The following GK5 variants were observed in gnomAD, a reference collection of about 807,000 sequenced individuals.
The protein encoded by GK5 is glycerol kinase 5, also known as ATP:glycerol 3-phosphotransferase 5.
A neutral mutation model predicts 77.3 loss-of-function variants in GK5; 39 were observed. The ratio of observed to expected loss-of-function variants is 0.50; its 90% confidence interval spans 0.39 to 0.66. GK5 has a LOEUF of 0.66. Among genes scored for constraint, GK5 ranks in the 30% least tolerant of loss-of-function variants. The probability of loss-of-function intolerance (pLI) is 0.00; values close to 1 mark genes in which losing one functional copy is unlikely to be tolerated. For synonymous variants in GK5, 211 were observed against 208.0 expected, an observed-to-expected ratio of 1.01 and a Z score of -0.13; for missense variants, 487 against 633.8, an observed-to-expected ratio of 0.77 and a Z score of 2.49.
chr3:142,187,810 A>G, intron 5 of GK5, 31 bp from the exon 6 acceptor site: 1 of 1,533,132 alleles, frequency 6.5e-7, no homozygotes, highest in Non-Finnish European at 9.0e-7. Flanking sequence ...AAATCGATTC[A>G]AAAAGGCTAA....
chr3:142,196,761 T>C (rs1291985181), intron 5 of GK5, among the ~76,000 whole-genome samples: 5 of 152,252 alleles, frequency 3.3e-5, no homozygotes, highest in African/African-American at 1.2e-4. Context: ...AAATTCCATG[T>C]ACACTTCAAG....
intron 2 of GK5, among the ~76,000 whole-genome samples, chr3:142,214,937 G>A (rs2107797752): frequency 6.6e-6 from 1 of 152,258 alleles, no homozygotes; most frequent in Non-Finnish European, 1.5e-5. Context: ...AGATATACAA[G>A]AGTTTATTGT....
intron 11 of GK5, among the ~76,000 whole-genome samples, chr3:142,178,553 C>T (rs983404086): frequency 6.6e-6 from 1 of 152,328 alleles, no homozygotes; most frequent in East Asian, 1.9e-4. Flanking sequence ...TTTTGTTAAA[C>T]ATCGTACTCG....
In GK5 at chr3:142,164,710, C is replaced by T. The variant is rs1485597851; in HGVS notation, c.*912G>A. 1.3e-5 allele frequency: 2 copies of T among 152,156 alleles called. No individual in the cohort carries two copies. The highest frequency in any genetic ancestry group is 1.9e-4 in the East Asian group (1 of 5,194). The allele number at this position is 152,156 out of a possible 1,614,324, so 9.4% of individuals were successfully genotyped here. A position where few individuals can be genotyped will look rare whatever the true frequency, so the allele number is the denominator to read the frequency against. ...TTCTTAAGTGGTCAATAAATTAGGG[C>T]ACTTCTTCAAATTAAGCTCTGTCAA... is the stretch of plus-strand genomic sequence containing the variant. On this transcript the variant is annotated 3_prime_UTR_variant, in exon 16 of 16. Transcript: ENST00000392993.
chr3:142,182,819 T>C (rs2063715217), intron 10 of GK5, 104 bp downstream of exon 10: 2 of 722,458 alleles, frequency 2.8e-6, no homozygotes, highest in Non-Finnish European at 4.5e-6. Context: ...ATAAAATATG[T>C]TAGAGAATAT....
chr3:142,190,609 G>A (rs1437136078), intron 5 of GK5, among the ~76,000 whole-genome samples: 1 of 152,086 alleles, frequency 6.6e-6, no homozygotes, highest in Non-Finnish European at 1.5e-5. Context: ...TAGATAATAA[G>A]CACAGAAAAT....
intron 13 of GK5, 152 bp from the exon 14 acceptor site, chr3:142,171,630 A>C (rs1182910062): frequency 1.6e-6 from 1 of 619,744 alleles, no homozygotes; most frequent in East Asian, 4.0e-5. Flanking sequence ...AATTGTGCTA[A>C]ATGGAAACTG....
intron 12 of GK5, chr3:142,173,199 TAAAAA>T: frequency 1.6e-5 from 6 of 382,792 alleles, no homozygotes; most frequent in Admixed American, 3.2e-5. Context: ...AGACAGGGTC[TAAAAA>T]AAAAAAAAAA....
Position 142,225,545 on chromosome 3 carries a change from CG to C in GK5, c.-91del, listed in dbSNP as rs1452249113. 2.0e-6 allele frequency: 3 copies of C among 1,476,474 alleles called. No individual in the cohort carries two copies. Among genetic ancestry groups the C allele is most frequent in the Non-Finnish European group, 9.0e-7 (1 of 1,109,220 alleles). 91.5% of individuals were successfully genotyped at this position (1,476,474 alleles called of 1,614,324 possible). Reference sequence around the variant, plus strand: ...TCCAGAGTCCCCGGGCGGCCCAACCCGGGCCCCAACCCGGCTCAGCCGGAGA... The same window carrying C: ...TCCAGAGTCCCCGGGCGGCCCAACCCGGCCCCAACCCGGCTCAGCCGGAGA... On this transcript the variant is annotated 5_prime_UTR_variant, in exon 1 of 16. Transcript: ENST00000392993.
In GK5 at chr3:142,159,853, C is replaced by CTCTCTCTCTTTTT. The variant is rs1553825247; in HGVS notation, c.*5768_*5769insAAAAAGAGAGAGA. On this transcript the variant is annotated 3_prime_UTR_variant, in exon 16 of 16. Coordinates refer to ENST00000392993, the MANE Select transcript of GK5 (RefSeq NM_001039547.3). Reference sequence around the variant, plus strand: ...TTTCTCTCTCTCTCTCTCTCTCTCTCTTTTTTTTTTTTGAGACAGAGTCTC... The same window carrying CTCTCTCTCTTTTT: ...TTTCTCTCTCTCTCTCTCTCTCTCTCTCTCTCTCTTTTTTTTTTTTTTTTTGAGACAGAGTCTC... The CTCTCTCTCTTTTT allele has an allele frequency of 1.0e-4, 11 of 106,122 alleles. No individual in the cohort carries two copies. Among genetic ancestry groups the CTCTCTCTCTTTTT allele is most frequent in the African/African-American group, 4.5e-4 (11 of 24,252 alleles). 6.6% of individuals were successfully genotyped at this position (106,122 alleles called of 1,614,324 possible).
chr3:142,206,562 T>G (rs4624580), intron 3 of GK5, among the ~76,000 whole-genome samples: 1 of 152,216 alleles, frequency 6.6e-6, no homozygotes, highest in African/African-American at 2.4e-5. Flanking sequence ...TGTGTATTAC[T>G]CAAGTCCTTT....
chr3:142,224,623 T>G (rs1473174385), intron 1 of GK5, among the ~76,000 whole-genome samples: 1 of 152,078 alleles, frequency 6.6e-6, no homozygotes, highest in African/African-American at 2.4e-5. Flanking sequence ...AATAAAGAAT[T>G]TTATGAATTC....
chr3:142,201,997 G>A (rs55868867), intron 4 of GK5, among the ~76,000 whole-genome samples: 30,096 of 152,038 alleles, frequency 0.2, 3,660 homozygotes, highest in South Asian at 0.39. Context: ...ACATGAGCTC[G>A]ACCCTAAAAA....
In GK5 at chr3:142,192,305, C is replaced by A. The variant is rs368433336; in HGVS notation, c.544-4526G>T. Among the ~76,000 whole-genome samples the A allele has an allele frequency of 3.2e-4, 49 of 152,282 alleles. No homozygotes were observed. In the South Asian group the frequency reaches 8.9e-3, roughly 28 times the overall value. Reference sequence around the variant, plus strand: ...TACTTTGGAGGATAGCTTGATAGTTCCTTACAAAACTAAATGCAGTCTTAC... The same window carrying A: ...TACTTTGGAGGATAGCTTGATAGTTACTTACAAAACTAAATGCAGTCTTAC... On this transcript the variant is annotated intron_variant, in intron 5 of 15. Transcript: ENST00000392993.
intron 1 of GK5, among the ~76,000 whole-genome samples, chr3:142,222,367 C>T (rs768988961): frequency 3.3e-5 from 5 of 152,062 alleles, no homozygotes; most frequent in Non-Finnish European, 7.4e-5. Flanking sequence ...ATATCGAGAC[C>T]ACCCTGGCTA....
chr3:142,186,537 C>A, intron 6 of GK5, 24 bp from the exon 7 acceptor site: 1 of 1,109,300 alleles, frequency 9.0e-7, no homozygotes, highest in Non-Finnish European at 1.3e-6. Context: ...GGAAATAATA[C>A]ATTTATTATC....
intron 11 of GK5, among the ~76,000 whole-genome samples, chr3:142,178,151 C>T (rs1218020540): frequency 6.6e-6 from 1 of 152,148 alleles, no homozygotes; most frequent in African/African-American, 2.4e-5. Flanking sequence ...AGCCGCCACA[C>T]CTGGCTGCTT....
In GK5 at chr3:142,161,838, A is replaced by T. The variant is rs1403199729; in HGVS notation, c.*3784T>A. 6.6e-6 allele frequency: 1 copy of T among 152,182 alleles called. No individual in the cohort carries two copies. Among genetic ancestry groups the T allele is most frequent in the Admixed American group, 6.5e-5 (1 of 15,272 alleles). The allele number at this position is 152,182 out of a possible 1,614,324, so 9.4% of individuals were successfully genotyped here. A position where few individuals can be genotyped will look rare whatever the true frequency, so the allele number is the denominator to read the frequency against. ...GATTGAGACAGGGTCTCACTTTGCC[A>T]CCCAGGCTAGAGTACAGTGACACCA... On this transcript the variant is annotated 3_prime_UTR_variant, in exon 16 of 16. Transcript: ENST00000392993.
intron 4 of GK5, among the ~76,000 whole-genome samples, chr3:142,202,202 T>C (rs1477897982): frequency 6.6e-6 from 1 of 151,542 alleles, no homozygotes; most frequent in African/African-American, 2.4e-5. Flanking sequence ...TGGTAAGGAG[T>C]TGGGATTTTA....
Sources: gnomAD v4.1 joint callset for allele counts (sites outside exome capture counted in the v4.1 genomes callset) on GRCh38, gnomAD v4.1.1 for gene constraint, MANE v1.5 for transcripts, NCBI Gene and HGNC (gene_info 2026-07-23, HGNC 2026-07-21) for gene names.